SIPA1L2: variants seen among roughly 807,000 people sequenced by gnomAD.
SIPA1L2 encodes signal induced proliferation associated 1 like 2, also known as signal-induced proliferation-associated 1-like protein 2.
A neutral mutation model predicts 163.9 loss-of-function variants in SIPA1L2; 56 were observed. That is an observed-to-expected ratio of 0.34 (90% CI 0.28 to 0.43). The LOEUF (loss-of-function observed/expected upper bound fraction) is 0.43, where lower values mean the gene tolerates loss of function less well. SIPA1L2 is among the 20% of genes least tolerant of loss of function. The pLI is 1.00. For synonymous variants in SIPA1L2, 877 were observed against 865.7 expected (o/e 1.01, Z -0.23); for missense variants, 1,974 against 2,193.5 (o/e 0.90, Z 2.00).
intron 1 of SIPA1L2, among the ~76,000 whole-genome samples, chr1:232,619,617 C>G (rs556999819): frequency 6.6e-6 from 1 of 152,342 alleles, no homozygotes; most frequent in African/African-American, 2.4e-5. Flanking sequence ...TGCCTGACAG[C>G]TACCCAGGAC....
chr1:232,593,811 T>C (rs989435028), intron 1 of SIPA1L2, among the ~76,000 whole-genome samples: 13 of 152,212 alleles, frequency 8.5e-5, no homozygotes, highest in African/African-American at 2.9e-4. Context: ...AACAGGTCTT[T>C]AGAAAAGTCA....
intron 2 of SIPA1L2, among the ~76,000 whole-genome samples, chr1:232,566,467 G>A (rs1659412344): frequency 6.6e-6 from 1 of 152,192 alleles, no homozygotes; most frequent in Admixed American, 6.5e-5. Context: ...AAGCCCTGCT[G>A]GATTTCAGAT....
At chr1:232,470,829 C>A (rs186570177) in intron 8 of SIPA1L2, among the ~76,000 whole-genome samples, 30 of 152,258 alleles carry the variant, frequency 2.0e-4, no homozygotes, top group Admixed American at 1.8e-3. Context: ...ACCAATACCC[C>A]ACATGATATG....
chr1:232,617,200 AG>A (rs1411112239), intron 1 of SIPA1L2, among the ~76,000 whole-genome samples: 1 of 152,262 alleles, frequency 6.6e-6, no homozygotes, highest in Non-Finnish European at 1.5e-5. Context: ...TCTCTTCAGA[AG>A]CAAAGTTGCT....
chr1:232,622,636 C>G (rs148862256), intron 1 of SIPA1L2, among the ~76,000 whole-genome samples: 49 of 152,328 alleles, frequency 3.2e-4, no homozygotes, highest in Admixed American at 1.6e-3. Context: ...GGTGCCCAGG[C>G]TCCCAGGAAC....
At chr1:232,508,592 G>C (rs1438209335) in intron 3 of SIPA1L2, among the ~76,000 whole-genome samples, 2 of 152,178 alleles carry the variant, frequency 1.3e-5, no homozygotes, top group Non-Finnish European at 2.9e-5. Flanking sequence ...AGCACAACTA[G>C]AATCCCTATC....
chr1:232,487,103 C>T (rs1665681231), intron 5 of SIPA1L2, among the ~76,000 whole-genome samples: 1 of 152,164 alleles, frequency 6.6e-6, no homozygotes, highest in Non-Finnish European at 1.5e-5. Context: ...GTCAAAATTC[C>T]CTATGGCTTC....
intron 3 of SIPA1L2, among the ~76,000 whole-genome samples, chr1:232,497,199 AGAACGT>A (rs1666239968): frequency 6.6e-6 from 1 of 152,214 alleles, no homozygotes. Context: ...GAGGCATGGG[AGAACGT>A]TCTGAGGTCA....
intron 4 of SIPA1L2, among the ~76,000 whole-genome samples, chr1:232,492,683 C>G (rs768621741): frequency 1.3e-5 from 2 of 152,160 alleles, no homozygotes; most frequent in Non-Finnish European, 2.9e-5. Flanking sequence ...TTTGGACTTG[C>G]ATGGGGCCTG....
chr1:232,582,611 T>TAC (rs1347698799), intron 1 of SIPA1L2, among the ~76,000 whole-genome samples: 1 of 152,202 alleles, frequency 6.6e-6, no homozygotes, highest in African/African-American at 2.4e-5. Context: ...AGCACAGTGA[T>TAC]ACACATAAGA....
At chr1:232,556,441 A>T (rs1658707422) in intron 2 of SIPA1L2, among the ~76,000 whole-genome samples, 1 of 152,218 alleles carries the variant, frequency 6.6e-6, no homozygotes, top group Non-Finnish European at 1.5e-5. Context: ...GTGCAGTTTA[A>T]CACACCAGCT....
At chr1:232,604,879 A>G (rs1169898635) in intron 1 of SIPA1L2, among the ~76,000 whole-genome samples, 3 of 152,100 alleles carry the variant, frequency 2.0e-5, no homozygotes, top group Non-Finnish European at 2.9e-5. Flanking sequence ...CGCCATGATT[A>G]TAAGTTTCCT....
chr1:232,548,368 G>A (rs1028584667), intron 2 of SIPA1L2, among the ~76,000 whole-genome samples: 2 of 152,036 alleles, frequency 1.3e-5, no homozygotes, highest in African/African-American at 4.8e-5. Context: ...AACCTCATTC[G>A]CCACCTCCAT....
intron 18 of SIPA1L2, among the ~76,000 whole-genome samples, chr1:232,420,602 G>A (rs762678326): frequency 3.3e-5 from 5 of 152,144 alleles, no homozygotes; most frequent in East Asian, 3.9e-4. Context: ...TTGGGAGGCC[G>A]AGGCGGGCGG....
intron 2 of SIPA1L2, among the ~76,000 whole-genome samples, chr1:232,547,736 T>C (rs565414869): frequency 6.6e-6 from 1 of 152,222 alleles, no homozygotes; most frequent in African/African-American, 2.4e-5. Flanking sequence ...AACGAAAAAA[T>C]TCCTATTGAT....
intron 2 of SIPA1L2, among the ~76,000 whole-genome samples, chr1:232,568,925 G>T (rs749650593): frequency 6.6e-6 from 1 of 152,090 alleles, no homozygotes; most frequent in Non-Finnish European, 1.5e-5. Context: ...ACCTTTTATC[G>T]GAGCTATTTA....
chr1:232,604,966 C>T (rs1410801434), intron 1 of SIPA1L2, among the ~76,000 whole-genome samples: 2 of 152,136 alleles, frequency 1.3e-5, no homozygotes, highest in Non-Finnish European at 2.9e-5. Context: ...GCCAATTAAA[C>T]CTCTTTTCCT....
intron 8 of SIPA1L2, among the ~76,000 whole-genome samples, chr1:232,467,915 G>A (rs1269702057): frequency 1.3e-5 from 2 of 152,126 alleles, no homozygotes; most frequent in African/African-American, 4.8e-5. Flanking sequence ...TATATAGTAG[G>A]GAAATTTTTT....
At chr1:232,437,518 TGG>T (rs1662637491) in intron 15 of SIPA1L2, among the ~76,000 whole-genome samples, 1 of 152,214 alleles carries the variant, frequency 6.6e-6, no homozygotes, top group Non-Finnish European at 1.5e-5. Context: ...CTCTGCATGG[TGG>T]ACACACATGA....
Sources: allele counts gnomAD v4.1 joint callset (sites outside exome capture counted in the v4.1 genomes callset), GRCh38; gene constraint gnomAD v4.1.1; transcripts MANE v1.5; gene names NCBI Gene and HGNC (gene_info 2026-07-23, HGNC 2026-07-21).